Variants in UBAP2L observed in about 807,000 individuals in gnomAD.
UBAP2L encodes the protein ubiquitin associated protein 2 like, also known as ubiquitin-associated protein 2-like.
UBAP2L carries 12 observed loss-of-function variants against 130.6 expected under a neutral mutation model. The observed-to-expected ratio is 0.09, with a 90% CI of 0.06 to 0.15. The LOEUF is 0.15. UBAP2L is among the 10% of genes least tolerant of loss of function. The probability of loss-of-function intolerance (pLI) is 1.00; values close to 1 mark genes in which losing one functional copy is unlikely to be tolerated. For missense variants in UBAP2L, 965 were observed against 1,332.5 expected, an observed-to-expected ratio of 0.72 and a Z score of 4.29; for synonymous variants, 503 against 524.7, an observed-to-expected ratio of 0.96 and a Z score of 0.57.
At chr1:154,247,748 A>C (rs899762770) in intron 11 of UBAP2L, among the ~76,000 whole-genome samples, 1 of 152,164 alleles carries the variant, frequency 6.6e-6, no homozygotes, top group African/African-American at 2.4e-5. Context: ...ATTTTTTTTA[A>C]ATAAAAATGT....
At chr1:154,241,867 G>A (rs956610390) in intron 9 of UBAP2L, 39 of 732,442 alleles carry the variant, frequency 5.3e-5, no homozygotes, top group Non-Finnish European at 6.2e-5. Context: ...CACCAGAAGT[G>A]GAGTTAGGCA....
At chr1:154,246,509 T>G in intron 11 of UBAP2L, 134 bp downstream of exon 11, 1 of 1,011,520 alleles carries the variant, frequency 9.9e-7, no homozygotes, top group Non-Finnish European at 1.4e-6. Context: ...GACTTGGTTG[T>G]AGAAATGTTT....
chr1:154,229,593 AGCTGGGACCACAGGCATGG>A, intron 4 of UBAP2L, among the ~76,000 whole-genome samples: 1 of 151,944 alleles, frequency 6.6e-6, no homozygotes, highest in African/African-American at 2.4e-5. Flanking sequence ...CCTCCTGAGT[AGCTGGGACCACAGGCATGG>A]GCCACCATGT....
At chr1:154,268,323 C>T (rs546630520) in intron 25 of UBAP2L, among the ~76,000 whole-genome samples, 3 of 151,940 alleles carry the variant, frequency 2.0e-5, no homozygotes, top group Non-Finnish European at 4.4e-5. Flanking sequence ...TCCCAAGTAG[C>T]TGGATTACAG....
At chr1:154,255,646 G>T (rs1198516077) in intron 17 of UBAP2L, 37 bp from the exon 18 acceptor site, 1 of 1,607,736 alleles carries the variant, frequency 6.2e-7, no homozygotes, top group East Asian at 2.2e-5. Context: ...CGTAACTATA[G>T]CACTATGGCT....
chr1:154,265,319 A>G (rs1316174916), intron 24 of UBAP2L, among the ~76,000 whole-genome samples: 3 of 152,188 alleles, frequency 2.0e-5, no homozygotes, highest in Non-Finnish European at 4.4e-5. Flanking sequence ...CCACTCTAGT[A>G]CACTGCTTCT....
intron 24 of UBAP2L, chr1:154,263,252 A>C: frequency 6.5e-7 from 1 of 1,537,326 alleles, no homozygotes; most frequent in Non-Finnish European, 8.8e-7. Flanking sequence ...TGCTGAGCTG[A>C]GGCCATGGCC....
At position 154,225,166 on chromosome 1, in the gene UBAP2L, GAAC is replaced by G. The variant is rs773343128; in HGVS notation, c.47_49del (p.Gln16del). On this transcript the variant is annotated inframe_deletion, in exon 2 of 27. Transcript: ENST00000428931. ...CACTAACCGAGCCCGGGGAAACTGGGAACAACCTCAAAACCAAAACCAGACACA... is the reference window on the plus strand; with the variant it reads ...CACTAACCGAGCCCGGGGAAACTGGGAACCTCAAAACCAAAACCAGACACA... 57 of 1,614,078 alleles carry G rather than the reference GAAC, an allele frequency of 3.5e-5. 1 individual carries two copies. In the South Asian group the frequency reaches 6.1e-4, roughly 17 times the overall value.
chr1:154,242,589 C>T (rs1357437510), intron 9 of UBAP2L, among the ~76,000 whole-genome samples: 1 of 152,084 alleles, frequency 6.6e-6, no homozygotes, highest in Non-Finnish European at 1.5e-5. Context: ...AAACTGAAAC[C>T]CAAATCAACT....
intron 3 of UBAP2L, among the ~76,000 whole-genome samples, 195 bp downstream of exon 3, chr1:154,227,554 TG>T (rs66801580): frequency 2.0e-5 from 3 of 151,928 alleles, no homozygotes; most frequent in Non-Finnish European, 1.5e-5. Flanking sequence ...TTTTGTTTTT[TG>T]TTTTTTTTTC....
intron 4 of UBAP2L, 66 bp from the exon 5 acceptor site, chr1:154,234,525 C>A: frequency 6.4e-7 from 1 of 1,562,030 alleles, no homozygotes; most frequent in Non-Finnish European, 8.8e-7. Flanking sequence ...GTCATCCCAG[C>A]TTTCATCTCT....
rs869153080 is a variant in UBAP2L, at chr1:154,267,880, C to CTTTTTTTTTTTTTTTTTTTTTTTTTTTT, written c.2971-851_2971-850insTTTTTTTTTTTTTTTTTTTTTTTTTTTT. ...TCCACATTCCATCCTCTTATTTGGT[C>CTTTTTTTTTTTTTTTTTTTTTTTTTTTT]TTTTTTTTTTTTTTTTTTTTTTTTT... On this transcript the variant is annotated intron_variant, in intron 25 of 26. Coordinates refer to ENST00000428931, the MANE Select transcript of UBAP2L (RefSeq NM_014847.4). Among the ~76,000 whole-genome samples, 13 of 52,086 alleles carry CTTTTTTTTTTTTTTTTTTTTTTTTTTTT rather than the reference C, an allele frequency of 2.5e-4. 4 individuals carry two copies. The highest frequency in any genetic ancestry group is 3.3e-4 in the African/African-American group (4 of 12,162). The allele number at this position is 52,086 out of a possible 152,430, so 34.2% of individuals were successfully genotyped here.
rs1671244839 is a variant in UBAP2L, at chr1:154,235,257, A to G, written c.510A>G (p.Thr170=). 1 of 779,282 alleles carries G rather than the reference A, an allele frequency of 1.3e-6. No individual in the cohort carries two copies. The highest frequency in any genetic ancestry group is 1.7e-5 in the Admixed American group (1 of 58,476). The allele number at this position is 779,282 out of a possible 1,614,324, so 48.3% of individuals were successfully genotyped here. The stretch of plus-strand genomic sequence containing the variant: ...GTGGAGGGCCTTCTGGAAGAGGAAC[A>G]GAAAGAGGCAGAAGGGGCCGTGGCC... ...TKSGGPSGRG[T]ERGRRGRGRG... The change falls in exon 6 of 27, where the codon ACA becomes ACG. Residue 170 remains threonine, a synonymous_variant. Transcript: ENST00000428931.
At chr1:154,265,508 C>T (rs1233596847) in intron 24 of UBAP2L, among the ~76,000 whole-genome samples, 4 of 152,076 alleles carry the variant, frequency 2.6e-5, no homozygotes, top group Non-Finnish European at 5.9e-5. Context: ...ACTTACTTTT[C>T]TTCACATCTT....
Position 154,246,292 on chromosome 1 carries a change from G to T in UBAP2L, c.931G>T (p.Ala311Ser). 1.2e-6 allele frequency: 2 copies of T among 1,613,704 alleles called. No homozygotes were observed. The highest frequency in any genetic ancestry group is 1.7e-6 in the Non-Finnish European group (2 of 1,179,902). ...GGATCCGTCTCAGGCTCCTTCTCTG[G>T]CCCAGCCTCTGGTGTTCAGTAATTC... The part of the protein sequence containing the change: ...NLDPSQAPSL[A>S]QPLVFSNSKQ... The change falls in exon 11 of 27, where the codon GCC (alanine) becomes TCC (serine). Residue 311 changes from alanine to serine, a missense_variant. Ala to Ser is a moderately conservative substitution (Grantham distance 99). This residue lies in a region of UBAP2L where 99 missense variants were observed against 106.4 expected (regional missense o/e 0.93). Coordinates refer to ENST00000428931, the MANE Select transcript of UBAP2L (RefSeq NM_014847.4).
chr1:154,256,443 C>T (rs1031996562), intron 18 of UBAP2L, among the ~76,000 whole-genome samples: 1 of 152,092 alleles, frequency 6.6e-6, no homozygotes, highest in Non-Finnish European at 1.5e-5. Context: ...TTGAGACCAA[C>T]CTGAGCAATA....
At chr1:154,246,128 C>A (rs538891441) in intron 10 of UBAP2L, 76 bp from the exon 11 acceptor site, 75 of 1,485,776 alleles carry the variant, frequency 5.0e-5, no homozygotes, top group Non-Finnish European at 6.6e-5. Context: ...TCATTTTGAT[C>A]TAATCTGATT....
chr1:154,269,413 G>A, intron 26 of UBAP2L: 1 of 1,309,596 alleles, frequency 7.6e-7, no homozygotes, highest in Non-Finnish European at 1.0e-6. Context: ...GGAGGAGCAG[G>A]TAATGAAATT....
chr1:154,261,546 T>A (rs1454528993), intron 23 of UBAP2L, 46 bp from the exon 24 acceptor site: 2 of 1,572,688 alleles, frequency 1.3e-6, no homozygotes, highest in Non-Finnish European at 1.8e-6. Context: ...GGACAGATGG[T>A]ATTCTGCTGC....
Sources: allele counts gnomAD v4.1 joint callset (sites outside exome capture counted in the v4.1 genomes callset), GRCh38; gene constraint gnomAD v4.1.1; regional missense constraint gnomAD v4.1.1; transcripts MANE v1.5; gene names NCBI Gene and HGNC (gene_info 2026-07-23, HGNC 2026-07-21).